Variants in COG3 observed in about 807,000 individuals in gnomAD.
COG3 encodes conserved oligomeric Golgi complex subunit 3.
A neutral mutation model predicts 114.1 loss-of-function variants in COG3; 32 were observed. The observed-to-expected ratio is 0.28, with a 90% CI of 0.21 to 0.38. The LOEUF (loss-of-function observed/expected upper bound fraction) is 0.38. Among genes scored for constraint, COG3 ranks in the 10% least tolerant of loss-of-function variants. COG3 has a pLI of 1.00. For missense variants in COG3, 813 were observed against 973.2 expected (o/e 0.84, Z 2.19); for synonymous variants, 352 against 365.7 (o/e 0.96, Z 0.43).
intron 2 of COG3, among the ~76,000 whole-genome samples, chr13:45,478,335 G>A (rs1886027904): frequency 6.6e-6 from 1 of 151,608 alleles, no homozygotes; most frequent in Non-Finnish European, 1.5e-5. Context: ...GGGACTACAG[G>A]CGCCCGGCTT....
chr13:45,482,432 C>G lies in COG3; in HGVS notation c.676C>G (p.Leu226Val). 1 of 1,576,268 alleles carries G rather than the reference C, an allele frequency of 6.3e-7. No individual in the cohort carries two copies. The highest frequency in any genetic ancestry group is 8.7e-7 in the Non-Finnish European group (1 of 1,149,624). ...GAATAGTGACGGATTTATACCTATG[C>G]TGGCCAAGTTAGATGATTGTATAAC... Reference protein sequence around the residue: ...SVNSDGFIPMLAKLDDCITYI... With the variant: ...SVNSDGFIPMVAKLDDCITYI... The change falls in exon 6 of 23, where the codon CTG (leucine) becomes GTG (valine). Residue 226 changes from leucine to valine, a missense_variant. This residue lies in a region of COG3 where 424 missense variants were observed against 430.6 expected (regional missense o/e 0.98). Transcript: ENST00000349995.
chr13:45,466,413 C>G (rs987124670), intron 1 of COG3: 1 of 152,160 alleles, frequency 6.6e-6, no homozygotes, highest in Admixed American at 6.5e-5. Context: ...CTTTTTCTGT[C>G]CTCCAACTTT....
At chr13:45,496,060 C>G in intron 12 of COG3, 92 bp from the exon 13 acceptor site, 1 of 1,296,292 alleles carries the variant, frequency 7.7e-7, no homozygotes, top group Non-Finnish European at 1.1e-6. Flanking sequence ...GTGGTTCATA[C>G]TGTTTCTGAA....
chr13:45,476,269 T>C lies in COG3; in HGVS notation c.243T>C (p.Pro81=). The C allele has an allele frequency of 5.6e-6, 9 of 1,613,338 alleles. No homozygotes were observed. The highest frequency in any genetic ancestry group is 6.8e-6 in the Non-Finnish European group (8 of 1,179,320). Residue 81 remains proline, a synonymous_variant, in exon 2 of 23, where the codon CCT becomes CCC. Coordinates refer to ENST00000349995, the MANE Select transcript of COG3 (RefSeq NM_031431.4). ...SLPIELTSVV[P]ESTEDILLKG... is the part of the protein sequence containing the mutation. ...CCATTGAACTGACTTCAGTAGTGCCTGAATCTACAGAAGACATTCTCTTGA... is the reference window on the plus strand; with the variant it reads ...CCATTGAACTGACTTCAGTAGTGCCCGAATCTACAGAAGACATTCTCTTGA...
chr13:45,481,641 A>G (rs2137802019), intron 5 of COG3, among the ~76,000 whole-genome samples: 1 of 152,330 alleles, frequency 6.6e-6, no homozygotes, highest in Admixed American at 6.5e-5. Flanking sequence ...GATAGTAGTC[A>G]AAACATTTTT....
chr13:45,476,118 A>G, intron 1 of COG3, 83 bp from the exon 2 acceptor site: 3 of 1,298,396 alleles, frequency 2.3e-6, no homozygotes, highest in Non-Finnish European at 3.3e-6. Context: ...CTTTCAAAAC[A>G]ACTGAGATGG....
chr13:45,493,284 C>G, intron 11 of COG3, 63 bp from the exon 12 acceptor site: 1 of 1,366,992 alleles, frequency 7.3e-7, no homozygotes, highest in Non-Finnish European at 1.0e-6. Flanking sequence ...ATGAGGATTT[C>G]TAAATTATTA....
chr13:45,528,857 G>T (rs545145665), intron 20 of COG3, among the ~76,000 whole-genome samples: 1 of 152,228 alleles, frequency 6.6e-6, no homozygotes, highest in East Asian at 1.9e-4. Context: ...TAACATGTCT[G>T]TATACTCATA....
chr13:45,510,321 T>C (rs1216468922), intron 15 of COG3, among the ~76,000 whole-genome samples: 1 of 152,212 alleles, frequency 6.6e-6, no homozygotes, highest in Non-Finnish European at 1.5e-5. Flanking sequence ...TTATAGATTT[T>C]GAAATGCTAC....
At position 45,535,237 on chromosome 13, in the gene COG3, T is replaced by C. The variant is rs143339500; in HGVS notation, c.*506T>C. ...CTCCTGTCATTTTTGAAGTTGAGTT[T>C]GGAGTAGATTGGTTGCTTCTGAGAA... On this transcript the variant is annotated 3_prime_UTR_variant, in exon 23 of 23. Transcript: ENST00000349995. 158 of 985,554 alleles carry C rather than the reference T, an allele frequency of 1.6e-4. 1 individual carries two copies. The East Asian group carries it at 0.015, about 93-fold the overall frequency. 61.1% of individuals were successfully genotyped at this position (985,554 alleles called of 1,614,324 possible). A position where few individuals can be genotyped will look rare whatever the true frequency, so the allele number is the denominator to read the frequency against.
chr13:45,530,053 A>G (rs1480098282), intron 21 of COG3, 135 bp downstream of exon 21: 1 of 978,284 alleles, frequency 1.0e-6, no homozygotes, highest in African/African-American at 1.7e-5. Flanking sequence ...AATCACTATG[A>G]TTCATGAAAG....
In COG3 at chr13:45,509,613, TTTATAGTTGCC is replaced by T. The variant is rs1336298901; in HGVS notation, c.1595-78_1595-68del. The T allele has an allele frequency of 1.7e-5, 26 of 1,569,212 alleles. No homozygotes were observed. The African/African-American group carries it at 3.1e-4, about 19-fold the overall frequency. On this transcript the variant is annotated intron_variant, in intron 14 of 22. Transcript: ENST00000349995. ...ACTTATAGCTAATGAGAATAAGCAG[TTTATAGTTGCC>T]ATGTAAATTATTGTAAGACAAATAT...
At position 45,465,016 on chromosome 13, in the gene COG3, A is replaced by T; in HGVS notation, c.-21A>T. On this transcript the variant is annotated 5_prime_UTR_variant, in exon 1 of 23. Coordinates refer to ENST00000349995, the MANE Select transcript of COG3 (RefSeq NM_031431.4). ...GGTCCCCTCCATCTCGCTGCTGCTG[A>T]AGGCCGCGAGGGCGGCGGCGATGGC... The T allele has an allele frequency of 6.4e-7, 1 of 1,551,742 alleles. No homozygotes were observed. The highest frequency in any genetic ancestry group is 8.7e-7 in the Non-Finnish European group (1 of 1,149,740).
At position 45,489,262 on chromosome 13, in the gene COG3, C is replaced by CAAAAAAAAA. The variant is rs377551623; in HGVS notation, c.925-1643_925-1635dup. Among the ~76,000 whole-genome samples, 126 of 43,600 alleles carry CAAAAAAAAA rather than the reference C, an allele frequency of 2.9e-3. 36 individuals carry two copies. The highest frequency in any genetic ancestry group is 3.9e-3 in the Non-Finnish European group (103 of 26,740). 28.6% of individuals were successfully genotyped at this position (43,600 alleles called of 152,430 possible). A position where few individuals can be genotyped will look rare whatever the true frequency, so the allele number is the denominator to read the frequency against. On this transcript the variant is annotated intron_variant, in intron 8 of 22. Transcript: ENST00000349995. ...TTTTTGACAAAGTGAGACCCAGCCT[C>CAAAAAAAAA]AAAAAAAAAAAAAAAAAAGCCAACC...
chr13:45,528,178 C>T (rs775275090), intron 20 of COG3, among the ~76,000 whole-genome samples: 1 of 152,138 alleles, frequency 6.6e-6, no homozygotes, highest in Non-Finnish European at 1.5e-5. Context: ...TTATCACAAG[C>T]CTTTGTAGCA....
At chr13:45,520,576 G>A (rs766179036) in intron 19 of COG3, among the ~76,000 whole-genome samples, 1 of 152,106 alleles carries the variant, frequency 6.6e-6, no homozygotes, top group South Asian at 2.1e-4. Context: ...CAGAAAATAC[G>A]AGTTTTAAAA....
At chr13:45,505,049 T>A (rs1166141527) in intron 14 of COG3, among the ~76,000 whole-genome samples, 1 of 151,824 alleles carries the variant, frequency 6.6e-6, no homozygotes, top group Non-Finnish European at 1.5e-5. Context: ...TAGCCAGGCG[T>A]GGCTGCATGC....
rs748656437 is a variant in COG3, at chr13:45,496,306, G to A, written c.1482G>A (p.Met494Ile). Residue 494 changes from methionine (M) to isoleucine (I), a missense_variant, in exon 13 of 23, where the codon ATG (methionine) becomes ATA (isoleucine). By Grantham distance (10) the Met-to-Ile change is conservative. Around this residue, in one of 2 missense-constraint regions of COG3, gnomAD observed 389 missense variants for 542.6 expected, o/e 0.72. Transcript: ENST00000349995. Reference sequence around the variant, plus strand: ...TGGCATATCCCGATAAGTTAGTCATGATGGAGGTAGGATCTCCTTACTTGA... The same window carrying A: ...TGGCATATCCCGATAAGTTAGTCATAATGGAGGTAGGATCTCCTTACTTGA... The part of the protein sequence containing the change: ...GDLAYPDKLV[M>I]MEQIAQSLKD... The A allele has an allele frequency of 3.2e-6, 5 of 1,585,532 alleles. No homozygotes were observed. The highest frequency in any genetic ancestry group is 3.4e-6 in the Non-Finnish European group (4 of 1,164,336).
At chr13:45,478,646 G>T (rs1259260805) in intron 2 of COG3, among the ~76,000 whole-genome samples, 1 of 151,366 alleles carries the variant, frequency 6.6e-6, no homozygotes, top group African/African-American at 2.4e-5. Flanking sequence ...GTGCCACTAC[G>T]CCTGGCTAAT....
Sources: allele counts gnomAD v4.1 joint callset (sites outside exome capture counted in the v4.1 genomes callset), GRCh38; gene constraint gnomAD v4.1.1; regional missense constraint gnomAD v4.1.1; transcripts MANE v1.5; gene names NCBI Gene and HGNC (gene_info 2026-07-23, HGNC 2026-07-21).